SEPTIN4: variants seen among roughly 807,000 people sequenced by gnomAD.
The protein encoded by SEPTIN4 is septin 4.
Under a neutral mutation model 107.1 loss-of-function variants are expected in SEPTIN4, and 52 were observed. That is an observed-to-expected ratio of 0.49 (90% CI 0.39 to 0.61). SEPTIN4 has a LOEUF of 0.61. SEPTIN4 is among the 20% of genes least tolerant of loss of function. The probability of loss-of-function intolerance (pLI) is 0.00; values close to 1 mark genes in which losing one functional copy is unlikely to be tolerated. For synonymous variants in SEPTIN4, 417 were observed against 467.0 expected, an observed-to-expected ratio of 0.89 and a Z score of 1.38; for missense variants, 1,048 against 1,243.5, an observed-to-expected ratio of 0.84 and a Z score of 2.36.
Position 58,520,327 on chromosome 17 carries a change from G to A in SEPTIN4, c.*99C>T, listed in dbSNP as rs2042126982. The A allele has an allele frequency of 9.4e-7, 1 of 1,066,930 alleles. No individual in the cohort carries two copies. The highest frequency in any genetic ancestry group is 2.1e-5 in the Admixed American group (1 of 47,526). The allele number at this position is 1,066,930 out of a possible 1,614,324, so 66.1% of individuals were successfully genotyped here. A position where few individuals can be genotyped will look rare whatever the true frequency, so the allele number is the denominator to read the frequency against. ...AGTCAGCAGGGATGTAAGGCGAAGTGGCAGTAGCTGAAGGGGCCTGAGCAG... is the reference window on the plus strand; with the variant it reads ...AGTCAGCAGGGATGTAAGGCGAAGTAGCAGTAGCTGAAGGGGCCTGAGCAG... On this transcript the variant is annotated 3_prime_UTR_variant, in exon 14 of 14. Coordinates refer to ENST00000672673, the MANE Select transcript of SEPTIN4 (RefSeq NM_001368771.2).
At chr17:58,529,509 A>AG in intron 3 of SEPTIN4, 1 of 860,672 alleles carries the variant, frequency 1.2e-6, no homozygotes, top group Non-Finnish European at 1.4e-6. Flanking sequence ...CCTGGTGGGC[A>AG]CAGCACCAAC....
chr17:58,520,620 C>A (rs1342371841), intron 13 of SEPTIN4, 123 bp downstream of exon 13: 3 of 1,487,494 alleles, frequency 2.0e-6, no homozygotes, highest in Non-Finnish European at 1.9e-6. Flanking sequence ...GACAGAACCA[C>A]CTATTGACCT....
In SEPTIN4 at chr17:58,525,558, G is replaced by C. The variant is rs1220370208; in HGVS notation, c.2092+137C>G. 3 of 752,670 alleles carry C rather than the reference G, an allele frequency of 4.0e-6. No homozygotes were observed. The South Asian group carries it at 5.1e-5, about 13-fold the overall frequency. 46.6% of individuals were successfully genotyped at this position (752,670 alleles called of 1,614,324 possible). On this transcript the variant is annotated intron_variant, in intron 6 of 13. Coordinates refer to ENST00000672673, the MANE Select transcript of SEPTIN4 (RefSeq NM_001368771.2). ...TGGCTGGTGGGCTGCCAGGCAGTTAGGCCTATGGAGAGCTGCTGTCAGTCT... is the reference window on the plus strand; with the variant it reads ...TGGCTGGTGGGCTGCCAGGCAGTTACGCCTATGGAGAGCTGCTGTCAGTCT...
At chr17:58,532,803 C>G (rs146428219) in intron 3 of SEPTIN4, among the ~76,000 whole-genome samples, 1 of 152,238 alleles carries the variant, frequency 6.6e-6, no homozygotes, top group East Asian at 1.9e-4. Context: ...GGTGAGATGC[C>G]GAGGGGACAG....
At chr17:58,540,572 CT>C in intron 3 of SEPTIN4, 93 bp downstream of exon 3, 1 of 1,043,880 alleles carries the variant, frequency 9.6e-7, no homozygotes, top group East Asian at 3.2e-5. Context: ...CTCTGTCTCC[CT>C]CCATGCCCAC....
rs1240146770 is a variant in SEPTIN4 at position 58,526,846 on chromosome 17, T to C, written c.1747A>G (p.Arg583Gly). 1.9e-6 allele frequency: 3 copies of C among 1,613,734 alleles called. No homozygotes were observed. Among genetic ancestry groups the C allele is most frequent in the East Asian group, 2.2e-5 (1 of 44,862 alleles). ...TCATAGAGGTCCGGGGCCTGGGGCC[T>C]TGGCTCCGGGACTTGGGGCCTGGAT... ...WASRPQVPEP[R>G]PQAPDLYDDD... is the part of the protein sequence containing the mutation. Residue 583 changes from arginine to glycine, a missense_variant, in exon 4 of 14, where the codon AGG becomes GGG. By Grantham distance (125) the Arg-to-Gly change is moderately radical (BLOSUM62 -2). Around this residue, in one of 2 missense-constraint regions of SEPTIN4, gnomAD observed 787 missense variants for 871.8 expected, o/e 0.90. Coordinates refer to ENST00000672673, the MANE Select transcript of SEPTIN4 (RefSeq NM_001368771.2).
In SEPTIN4 at chr17:58,520,772, C is replaced by T. The variant is rs199685340; in HGVS notation, c.2902G>A (p.Glu968Lys). ...AVPPGTDPET[E>K]KLIREKDEEL... ...TCATCTTTCTCTCGGATAAGCTTCT[C>T]AGTTTCTGGATCTGTCCCTGGTGGG... Residue 968 changes from glutamate (E) to lysine (K), a missense_variant, in exon 13 of 14, where the codon GAG (glutamate) becomes AAG (lysine). Glu to Lys is a moderately conservative substitution (Grantham distance 56). Transcript: ENST00000672673. 1.2e-6 allele frequency: 2 copies of T among 1,614,058 alleles called. No individual in the cohort carries two copies. Among genetic ancestry groups the T allele is most frequent in the African/African-American group, 2.7e-5 (2 of 74,926 alleles).
At chr17:58,522,925 A>C (rs188892576) in intron 7 of SEPTIN4, among the ~76,000 whole-genome samples, 2 of 152,300 alleles carry the variant, frequency 1.3e-5, no homozygotes, top group East Asian at 3.9e-4. Flanking sequence ...AAACAAATAA[A>C]TAAATAAATT....
rs767657554 is a variant in SEPTIN4 at position 58,543,618 on chromosome 17, G to T, written c.569C>A (p.Pro190His). The T allele has an allele frequency of 6.2e-6, 10 of 1,614,210 alleles. No homozygotes were observed. The South Asian group carries it at 9.9e-5, about 16-fold the overall frequency. The change falls in exon 1 of 14, where the codon CCC becomes CAC. Residue 190 changes from proline (P) to histidine (H), a missense_variant. Coordinates refer to ENST00000672673, the MANE Select transcript of SEPTIN4 (RefSeq NM_001368771.2). ...CTTTGGGTAAGACAAAATCCTACGG[G>T]GAACTCTGACTCCTTGGGGGTTCTG... The part of the protein sequence containing the change: ...KVQNPQGVRV[P>H]RRILSYPKDE...
At position 58,538,632 on chromosome 17, in the gene SEPTIN4, TC is replaced by T. The variant is rs112163311; in HGVS notation, c.1614+2033del. 3.9e-5 allele frequency among the ~76,000 whole-genome samples: 6 copies of T among 152,170 alleles called. No individual in the cohort carries two copies. Among genetic ancestry groups the T allele is most frequent in the African/African-American group, 1.2e-4 (5 of 41,528 alleles). On this transcript the variant is annotated intron_variant, in intron 3 of 13. Transcript: ENST00000672673. The surrounding 1 kb of genome is among the most constrained non-coding windows in gnomAD (Gnocchi z 4.7). ...CCTGTTGAGCTTTTGCTAGTTCTGA[TC>T]CCCAAAAAAAACCCATCAGGAATGC...
Position 58,526,573 on chromosome 17 carries a change from A to ACACACACACAC in SEPTIN4, c.1911+108_1911+109insGTGTGTGTGTG, listed in dbSNP as rs2042911040. On this transcript the variant is annotated intron_variant, in intron 4 of 13. Transcript: ENST00000672673. ...TAGGTCCCAGATACACACACACACA[A>ACACACACACAC]ACACACACACACACACACACACACA... The ACACACACACAC allele has an allele frequency of 1.3e-5, 17 of 1,303,798 alleles. No homozygotes were observed. In the African/African-American group the frequency reaches 2.1e-4, roughly 16 times the overall value. The allele number at this position is 1,303,798 out of a possible 1,614,324, so 80.8% of individuals were successfully genotyped here. A position where few individuals can be genotyped will look rare whatever the true frequency, so the allele number is the denominator to read the frequency against.
Position 58,538,990 on chromosome 17 carries a change from C to G in SEPTIN4, c.1614+1676G>C, listed in dbSNP as rs1160929317. The G allele has an allele frequency of 1.8e-6, 1 of 551,824 alleles. No homozygotes were observed. Among genetic ancestry groups the G allele is most frequent in the Non-Finnish European group, 3.1e-6 (1 of 321,474 alleles). 34.2% of individuals were successfully genotyped at this position (551,824 alleles called of 1,614,324 possible). A position where few individuals can be genotyped will look rare whatever the true frequency, so the allele number is the denominator to read the frequency against. On this transcript the variant is annotated intron_variant, in intron 3 of 13. Coordinates refer to ENST00000672673, the MANE Select transcript of SEPTIN4 (RefSeq NM_001368771.2). The surrounding 1 kb of genome is among the most constrained non-coding windows in gnomAD (Gnocchi z 4.7). Reference sequence around the variant, plus strand: ...TCAGAGGAATCAGAGGCCTTGGACACCAGCACCACAGCGTCTCCATCCTGA... The same window carrying G: ...TCAGAGGAATCAGAGGCCTTGGACAGCAGCACCACAGCGTCTCCATCCTGA...
chr17:58,524,644 G>GCAGCCTCAACCTCCTGAGCT (rs1171689729), intron 7 of SEPTIN4: 1 of 143,670 alleles, frequency 7.0e-6, no homozygotes, highest in Non-Finnish European at 1.5e-5. Context: ...ATGGCTCACT[G>GCAGCCTCAACCTCCTGAGCT]CAGCCTCAAC....
intron 3 of SEPTIN4, chr17:58,527,312 C>T (rs1275302250): frequency 4.2e-6 from 2 of 475,068 alleles, no homozygotes; most frequent in African/African-American, 2.0e-5. Context: ...GCTGCCTTTC[C>T]TGGGGTTCTG....
Position 58,535,114 on chromosome 17 carries a change from T to C in SEPTIN4, c.1614+5552A>G, listed in dbSNP as rs1432084290. ...CTGGGTTGTGTCTTTCAAGGAAACCTCAGCAAGTCTGTCCAACAAGGTCTG... is the reference window on the plus strand; with the variant it reads ...CTGGGTTGTGTCTTTCAAGGAAACCCCAGCAAGTCTGTCCAACAAGGTCTG... On this transcript the variant is annotated intron_variant, in intron 3 of 13. Coordinates refer to ENST00000672673, the MANE Select transcript of SEPTIN4 (RefSeq NM_001368771.2). 2.0e-5 allele frequency among the ~76,000 whole-genome samples: 3 copies of C among 152,208 alleles called. No individual in the cohort carries two copies. In the East Asian group the frequency reaches 5.8e-4, roughly 29 times the overall value.
Position 58,525,233 on chromosome 17 carries a change from G to C in SEPTIN4, c.2093-32C>G, listed in dbSNP as rs758971465. ...AAAGGGGAAACTGAGGCCAGGGCAA[G>C]GGCAGGGACCTGCCCAGTCAGGATG... On this transcript the variant is annotated intron_variant, in intron 6 of 13. Transcript: ENST00000672673. 16 of 1,610,850 alleles carry C rather than the reference G, an allele frequency of 9.9e-6. No homozygotes were observed. In the Admixed American group the frequency reaches 2.7e-4, roughly 27 times the overall value.
chr17:58,520,873 G>A (rs767609394), intron 12 of SEPTIN4, 31 bp from the exon 13 acceptor site: 31 of 1,613,838 alleles, frequency 1.9e-5, no homozygotes, highest in Non-Finnish European at 2.5e-5. Context: ...ATAAGGCGAG[G>A]AGGACCCCAG....
chr17:58,541,208 T>C (rs937942889), intron 2 of SEPTIN4, among the ~76,000 whole-genome samples: 2 of 152,226 alleles, frequency 1.3e-5, no homozygotes, highest in African/African-American at 2.4e-5. Context: ...GCTTTATCCA[T>C]AGCCCTGGCC....
chr17:58,532,488 C>T (rs1382540782), intron 3 of SEPTIN4, among the ~76,000 whole-genome samples: 1 of 152,190 alleles, frequency 6.6e-6, no homozygotes, highest in Admixed American at 6.5e-5. Context: ...CCGGCTGATG[C>T]CCAAGTTACT....
Sources: gnomAD v4.1 joint callset for allele counts (sites outside exome capture counted in the v4.1 genomes callset) on GRCh38, gnomAD v4.1.1 for gene constraint, gnomAD v4.1.1 regional missense constraint, Gnocchi (gnomAD v3.1) non-coding constraint, MANE v1.5 for transcripts, NCBI Gene and HGNC (gene_info 2026-07-23, HGNC 2026-07-21) for gene names.